Variants in ABCA9 observed in about 807,000 individuals in gnomAD.
The protein encoded by ABCA9 is ATP binding cassette subfamily A member 9, also known as ATP-binding cassette sub-family A member 9.
ABCA9 carries 183 observed loss-of-function variants against 205.3 expected under a neutral mutation model. That is an observed-to-expected ratio of 0.89 (90% CI 0.79 to 1.01). ABCA9 has a LOEUF of 1.01. Ranked by LOEUF, ABCA9 falls within the 50% of genes least tolerant of loss-of-function variation. The pLI is 0.00. For missense variants in ABCA9, 1,805 were observed against 1,912.4 expected, an observed-to-expected ratio of 0.94 and a Z score of 1.05; for synonymous variants, 651 against 683.3, an observed-to-expected ratio of 0.95 and a Z score of 0.74.
intron 30 of ABCA9, 162 bp from the exon 31 acceptor site, chr17:68,989,280 A>T (rs1335120035): frequency 3.3e-5 from 17 of 519,340 alleles, no homozygotes; most frequent in East Asian, 3.1e-4. Context: ...ACACACACAC[A>T]CACACACACA....
At chr17:69,013,242 T>C (rs771613214) in intron 22 of ABCA9, among the ~76,000 whole-genome samples, 11 of 152,146 alleles carry the variant, frequency 7.2e-5, no homozygotes, top group Non-Finnish European at 1.6e-4. Flanking sequence ...AAGGTGAGAT[T>C]GATGGATTGT....
chr17:69,026,810 A>T (rs1365289237), intron 15 of ABCA9, among the ~76,000 whole-genome samples, 166 bp downstream of exon 15: 1 of 152,216 alleles, frequency 6.6e-6, no homozygotes, highest in Non-Finnish European at 1.5e-5. Context: ...GAATATTTCC[A>T]TGGGGCCAAG....
chr17:69,067,028 G>C, the ABCA9 span, among the ~76,000 whole-genome samples: 1 of 152,116 alleles, frequency 6.6e-6, no homozygotes, highest in Non-Finnish European at 1.5e-5. Context: ...GTGACTTAAA[G>C]ACTTGACAGA....
intron 22 of ABCA9, among the ~76,000 whole-genome samples, chr17:69,014,507 G>A (rs546641041): frequency 6.6e-6 from 1 of 152,166 alleles, no homozygotes; most frequent in African/African-American, 2.4e-5. Context: ...TCTATAATAG[G>A]AATAGTAACA....
intron 1 of ABCA9, among the ~76,000 whole-genome samples, chr17:69,060,363 GA>G (rs2072202903): frequency 6.6e-6 from 1 of 151,998 alleles, no homozygotes; most frequent in Non-Finnish European, 1.5e-5. Flanking sequence ...CAACAAATTA[GA>G]TCAAAATTTT....
At position 69,016,305 on chromosome 17, in the gene ABCA9, C is replaced by T. The variant is rs2070609852; in HGVS notation, c.2987G>A (p.Gly996Glu). The change falls in exon 22 of 39, where the codon GGA (glycine) becomes GAA (glutamate). Residue 996 changes from glycine to glutamate, a missense_variant. Coordinates refer to ENST00000340001, the MANE Select transcript of ABCA9 (RefSeq NM_080283.4). ...LLDVISNGLLGIFNSSEHIQT... is the reference protein window; with the variant it reads ...LLDVISNGLLEIFNSSEHIQT... The stretch of plus-strand genomic sequence containing the variant: ...AATGTGTTCTGACGAATTAAAAATT[C>T]CAAGTAGTCCATTGCTAATGACATC... 2 of 1,600,228 alleles carry T rather than the reference C, an allele frequency of 1.2e-6. No homozygotes were observed. The highest frequency in any genetic ancestry group is 1.7e-6 in the Non-Finnish European group (2 of 1,174,978).
intron 10 of ABCA9, among the ~76,000 whole-genome samples, chr17:69,029,976 A>C (rs2071107169): frequency 6.6e-6 from 1 of 152,208 alleles, no homozygotes; most frequent in South Asian, 2.1e-4. Flanking sequence ...CTGTAGAACA[A>C]ACCCCCATGA....
Position 68,989,825 on chromosome 17 carries a change from A to C in ABCA9, c.3943T>G (p.Cys1315Gly). The C allele has an allele frequency of 6.3e-7, 1 of 1,590,054 alleles. No homozygotes were observed. The highest frequency in any genetic ancestry group is 8.6e-7 in the Non-Finnish European group (1 of 1,159,044). ...KKIATRNVSF[C>G]VKKGEVIGLL... Reference sequence around the variant, plus strand: ...TACTGTTTCCAACCTTTTTTAACACAAAAAGAGACATTTCTTGTGGCAATT... The same window carrying C: ...TACTGTTTCCAACCTTTTTTAACACCAAAAGAGACATTTCTTGTGGCAATT... Residue 1315 changes from cysteine (C) to glycine (G), a missense_variant, in exon 30 of 39, where the codon TGT becomes GGT. Transcript: ENST00000340001.
intron 15 of ABCA9, among the ~76,000 whole-genome samples, 172 bp downstream of exon 15, chr17:69,026,804 A>G (rs565343771): frequency 6.6e-6 from 1 of 152,322 alleles, no homozygotes; most frequent in East Asian, 1.9e-4. Flanking sequence ...GGCTCAGAAT[A>G]TTTCCATGGG....
intron 6 of ABCA9, chr17:69,042,642 T>TA (rs2071581460): frequency 6.6e-6 from 1 of 152,256 alleles, no homozygotes; most frequent in South Asian, 2.1e-4. Context: ...TTCACCCATA[T>TA]ATGGTAACTA....
intron 12 of ABCA9, 69 bp from the exon 13 acceptor site, chr17:69,027,884 G>T: frequency 8.2e-7 from 1 of 1,214,354 alleles, no homozygotes; most frequent in Non-Finnish European, 1.2e-6. Flanking sequence ...CTTTTAAAAT[G>T]GAAAACACTG....
chr17:68,979,681 G>C (rs1310171186), intron 37 of ABCA9, among the ~76,000 whole-genome samples: 1 of 152,112 alleles, frequency 6.6e-6, no homozygotes, highest in Non-Finnish European at 1.5e-5. Context: ...CAAGAAATGG[G>C]GAAATGATTC....
intron 2 of ABCA9, 75 bp from the exon 3 acceptor site, chr17:69,049,565 G>T: frequency 8.4e-7 from 1 of 1,196,728 alleles, no homozygotes; most frequent in Non-Finnish European, 1.2e-6. Context: ...CAAACAGTTT[G>T]AAATACTTAA....
intron 25 of ABCA9, among the ~76,000 whole-genome samples, chr17:68,996,969 C>T (rs998747344): frequency 1.3e-5 from 2 of 152,174 alleles, no homozygotes; most frequent in Non-Finnish European, 2.9e-5. Flanking sequence ...TGCCCTGTCA[C>T]CCAAGTGCTG....
intron 1 of ABCA9, among the ~76,000 whole-genome samples, chr17:69,052,274 T>C (rs963263444): frequency 2.6e-5 from 4 of 152,036 alleles, no homozygotes; most frequent in Non-Finnish European, 5.9e-5. Context: ...ACTTGGGAGG[T>C]TGAGGCAGAA....
intron 28 of ABCA9, 60 bp from the exon 29 acceptor site, chr17:68,991,017 A>G: frequency 6.4e-7 from 1 of 1,568,240 alleles, no homozygotes; most frequent in East Asian, 2.3e-5. Flanking sequence ...TATCAAAATT[A>G]ATGAATTTTC....
intron 22 of ABCA9, among the ~76,000 whole-genome samples, chr17:69,015,614 T>C (rs1044483939): frequency 6.8e-6 from 1 of 148,056 alleles, no homozygotes; most frequent in East Asian, 1.9e-4. Flanking sequence ...ATGAGAAATA[T>C]AATTTACTGA....
intron 25 of ABCA9, among the ~76,000 whole-genome samples, chr17:68,998,461 C>T (rs1053767695): frequency 1.1e-4 from 16 of 152,058 alleles, no homozygotes; most frequent in Non-Finnish European, 2.4e-4. Context: ...GAAGTTTTCT[C>T]TTTTATGATT....
chr17:69,029,192 C>T lies in ABCA9; in HGVS notation c.1481G>A (p.Cys494Tyr). 1.3e-6 allele frequency: 2 copies of T among 1,559,892 alleles called. No homozygotes were observed. Among genetic ancestry groups the T allele is most frequent in the South Asian group, 1.2e-5 (1 of 86,168 alleles). The change falls in exon 11 of 39, where the codon TGT (cysteine) becomes TAT (tyrosine). Residue 494 changes from cysteine (C) to tyrosine (Y), a missense_variant. By Grantham distance (194) the Cys-to-Tyr change is radical. Transcript: ENST00000340001. ...KNLKKEYAGK[C>Y]ERVEALKGVV... is the part of the protein sequence containing the mutation. Reference sequence around the variant, plus strand: ...ACCTTTCAAAGCTTCTACTCTCTCACACTTCCCTGCATATTCTTTTTTAAG... The same window carrying T: ...ACCTTTCAAAGCTTCTACTCTCTCATACTTCCCTGCATATTCTTTTTTAAG...
Sources: allele counts gnomAD v4.1 joint callset (sites outside exome capture counted in the v4.1 genomes callset), GRCh38; gene constraint gnomAD v4.1.1; transcripts MANE v1.5; gene names NCBI Gene and HGNC (gene_info 2026-07-23, HGNC 2026-07-21).